PLXNA4: variants seen among roughly 807,000 people sequenced by gnomAD.
PLXNA4 encodes the protein plexin-A4.
A neutral mutation model predicts 191.8 loss-of-function variants in PLXNA4; 44 were observed. The ratio of observed to expected loss-of-function variants is 0.23; its 90% CI spans 0.18 to 0.29. The LOEUF (loss-of-function observed/expected upper bound fraction) is 0.29, where lower values mean the gene tolerates loss of function less well. Ranked by LOEUF, PLXNA4 falls within the 10% of genes least tolerant of loss-of-function variation. PLXNA4 has a pLI of 1.00. For missense variants in PLXNA4, 1,800 were observed against 2,488.8 expected (o/e 0.72, Z 5.89); for synonymous variants, 1,082 against 1,009.5 (o/e 1.07, Z -1.36).
rs897884478 is a variant in PLXNA4 at position 132,126,633 on chromosome 7, T to G, written c.*3846A>C. ...GTCAGAGACTTTTCCTGTGGGTAAC[T>G]CCTGCTTCTTCCTGGGAACAGTCCT... On this transcript the variant is annotated 3_prime_UTR_variant, in exon 32 of 32. Coordinates refer to ENST00000321063, the MANE Select transcript of PLXNA4 (RefSeq NM_020911.2). 6.6e-6 allele frequency: 1 copy of G among 152,212 alleles called. No individual in the cohort carries two copies. Among genetic ancestry groups the G allele is most frequent in the Non-Finnish European group, 1.5e-5 (1 of 68,090 alleles). The allele number at this position is 152,212 out of a possible 1,614,324, so 9.4% of individuals were successfully genotyped here.
chr7:132,417,964 A>G (rs1794717908), intron 3 of PLXNA4, among the ~76,000 whole-genome samples: 1 of 152,120 alleles, frequency 6.6e-6, no homozygotes. Context: ...ACTTTGGTTT[A>G]TTTGGACAAA....
chr7:132,156,930 G>C (rs897013401), intron 25 of PLXNA4, among the ~76,000 whole-genome samples: 3 of 152,278 alleles, frequency 2.0e-5, no homozygotes, highest in East Asian at 1.9e-4. Flanking sequence ...GGAAAAAAGG[G>C]AACTTCTCAG....
chr7:132,144,982 T>G, intron 29 of PLXNA4, 137 bp downstream of exon 29: 1 of 1,262,782 alleles, frequency 7.9e-7, no homozygotes, highest in Non-Finnish European at 1.1e-6. Context: ...CCAGAGAATG[T>G]GCCTGCTCAG....
chr7:132,506,199 A>G (rs1798457337), intron 2 of PLXNA4, among the ~76,000 whole-genome samples: 1 of 152,030 alleles, frequency 6.6e-6, no homozygotes, highest in African/African-American at 2.4e-5. Context: ...CCTCTTCCCT[A>G]TCTCCAACCC....
chr7:132,224,493 T>C (rs549652792), intron 8 of PLXNA4, among the ~76,000 whole-genome samples: 1 of 152,336 alleles, frequency 6.6e-6, no homozygotes, highest in South Asian at 2.1e-4. Flanking sequence ...TACTAGTCTG[T>C]AGGCCATCAA....
intron 3 of PLXNA4, among the ~76,000 whole-genome samples, chr7:132,443,539 G>A (rs952422171): frequency 2.0e-5 from 3 of 152,096 alleles, no homozygotes; most frequent in Non-Finnish European, 4.4e-5. Context: ...GCTGCCACCG[G>A]GCCTGTTGTC....
At chr7:132,380,184 A>AGG (rs1804833408) in intron 3 of PLXNA4, among the ~76,000 whole-genome samples, 1 of 152,018 alleles carries the variant, frequency 6.6e-6, no homozygotes, top group Non-Finnish European at 1.5e-5. Flanking sequence ...TAATGAATCA[A>AGG]AATACCAAAG....
At chr7:132,634,744 C>G (rs967984770) in intron 2 of PLXNA4, among the ~76,000 whole-genome samples, 1 of 152,200 alleles carries the variant, frequency 6.6e-6, no homozygotes, top group African/African-American at 2.4e-5. Context: ...CTCACGTAGT[C>G]TGGGACACGT....
chr7:132,511,190 G>T (rs1387006838), intron 1 of PLXNA4, among the ~76,000 whole-genome samples: 1 of 152,212 alleles, frequency 6.6e-6, no homozygotes, highest in Non-Finnish European at 1.5e-5. Context: ...ACCAATATCT[G>T]TGGAGTATTT....
At position 132,220,477 on chromosome 7, in the gene PLXNA4, C is replaced by T. The variant is rs138129123; in HGVS notation, c.2097+3050G>A. 3.0e-3 allele frequency among the ~76,000 whole-genome samples: 457 copies of T among 152,292 alleles called. 8 individuals are homozygous for T. The highest frequency in any genetic ancestry group is 0.01 in the African/African-American group (435 of 41,560). ...TTCCATGTGATAAGGGAGGCATGGG[C>T]GATTCCAAACTACCCCAGAGCCCCT... On this transcript the variant is annotated intron_variant, in intron 9 of 31. Coordinates refer to ENST00000321063, the MANE Select transcript of PLXNA4 (RefSeq NM_020911.2).
chr7:132,299,203 A>G (rs1219221320), intron 3 of PLXNA4, among the ~76,000 whole-genome samples: 1 of 152,216 alleles, frequency 6.6e-6, no homozygotes, highest in East Asian at 1.9e-4. Flanking sequence ...GGATCACCAC[A>G]CTTCCCTACC....
intron 3 of PLXNA4, among the ~76,000 whole-genome samples, chr7:132,349,681 C>T (rs140843492): frequency 1.3e-5 from 2 of 152,252 alleles, no homozygotes; most frequent in East Asian, 1.9e-4. Flanking sequence ...TGATGTCCTT[C>T]GTGGAGATCA....
At chr7:132,312,871 C>A (rs1265711968) in intron 3 of PLXNA4, among the ~76,000 whole-genome samples, 1 of 152,184 alleles carries the variant, frequency 6.6e-6, no homozygotes, top group Non-Finnish European at 1.5e-5. Flanking sequence ...CTACAGTTAG[C>A]ACTTATTTAC....
intron 3 of PLXNA4, among the ~76,000 whole-genome samples, chr7:132,348,307 G>T (rs1384856548): frequency 6.6e-6 from 1 of 152,062 alleles, no homozygotes; most frequent in Non-Finnish European, 1.5e-5. Flanking sequence ...TACCTCCTAG[G>T]GTTTGCCTTA....
intron 2 of PLXNA4, among the ~76,000 whole-genome samples, chr7:132,602,465 G>A (rs1420200309): frequency 2.0e-5 from 3 of 152,154 alleles, no homozygotes; most frequent in East Asian, 3.9e-4. Flanking sequence ...TTGTTGTTAT[G>A]GGGAGTTTCT....
intron 3 of PLXNA4, among the ~76,000 whole-genome samples, chr7:132,453,588 C>T (rs1035192605): frequency 6.6e-6 from 1 of 151,746 alleles, no homozygotes; most frequent in African/African-American, 2.4e-5. Context: ...TGTCACCAGG[C>T]TGGAGAGCAG....
At chr7:132,177,550 C>T (rs1342977777) in intron 20 of PLXNA4, among the ~76,000 whole-genome samples, 1 of 152,212 alleles carries the variant, frequency 6.6e-6, no homozygotes, top group Admixed American at 6.5e-5. Flanking sequence ...AGGTTTCCTC[C>T]TGGGGCCTCA....
chr7:132,321,314 G>T (rs913832111), intron 3 of PLXNA4, among the ~76,000 whole-genome samples: 1 of 151,860 alleles, frequency 6.6e-6, no homozygotes, highest in East Asian at 1.9e-4. Flanking sequence ...CCCAGGATGT[G>T]TGTGAATGTA....
chr7:132,638,851 C>T (rs1445458437), intron 2 of PLXNA4, among the ~76,000 whole-genome samples: 4 of 152,068 alleles, frequency 2.6e-5, no homozygotes, highest in South Asian at 2.1e-4. Flanking sequence ...TGTCTTAGCC[C>T]GTGGGGACAA....
Sources: allele counts gnomAD v4.1 joint callset (sites outside exome capture counted in the v4.1 genomes callset), GRCh38; gene constraint gnomAD v4.1.1; transcripts MANE v1.5; gene names NCBI Gene and HGNC (gene_info 2026-07-23, HGNC 2026-07-21).